Variants in HIRA observed in about 807,000 individuals in gnomAD.
The protein encoded by HIRA is histone cell cycle regulator.
Under a neutral mutation model 126.6 loss-of-function variants are expected in HIRA, and 13 were observed. The observed-to-expected ratio is 0.10, with a 90% CI of 0.07 to 0.16. HIRA has a LOEUF of 0.16. Among genes scored for constraint, HIRA ranks in the 10% least tolerant of loss-of-function variants. The pLI is 1.00. For missense variants in HIRA, 834 were observed against 1,314.4 expected, an observed-to-expected ratio of 0.63 and a Z score of 5.65; for synonymous variants, 511 against 520.0, an observed-to-expected ratio of 0.98 and a Z score of 0.24.
intron 1 of HIRA, among the ~76,000 whole-genome samples, chr22:19,413,024 C>G (rs777809718): frequency 1.3e-5 from 2 of 151,962 alleles, no homozygotes; most frequent in Non-Finnish European, 2.9e-5. Context: ...GCCAGAAGAT[C>G]GGGTGAAGGA....
chr22:19,385,741 G>A lies in HIRA; in HGVS notation c.1114-5C>T, dbSNP rs1222627574. 1.2e-6 allele frequency: 2 copies of A among 1,611,638 alleles called. No individual in the cohort carries two copies. Among genetic ancestry groups the A allele is most frequent in the East Asian group, 2.2e-5 (1 of 44,830 alleles). On this transcript the variant is annotated splice_region_variant and splice_polypyrimidine_tract_variant and intron_variant, in intron 11 of 24. Transcript: ENST00000263208. ...GGTGGACTGGTGAATGCGGCTCTGG[G>A]GAAGCAAGGAGAGGCATGACATGCC...
In HIRA at chr22:19,431,707, C is replaced by G; in HGVS notation, c.-231G>C. On this transcript the variant is annotated 5_prime_UTR_variant, in exon 1 of 25. Transcript: ENST00000263208. ...CACCACAGCCGCATCCCCTGCGCCG[C>G]TCCTCCTCAGGCGGCTCCCGGGCAA... is the stretch of plus-strand genomic sequence containing the variant. 1 of 364,124 alleles carries G rather than the reference C, an allele frequency of 2.7e-6. No individual in the cohort carries two copies. Among genetic ancestry groups the G allele is most frequent in the South Asian group, 1.2e-4 (1 of 8,122 alleles). 22.6% of individuals were successfully genotyped at this position (364,124 alleles called of 1,614,324 possible). A position where few individuals can be genotyped will look rare whatever the true frequency, so the allele number is the denominator to read the frequency against.
At chr22:19,407,568 T>A (rs937409442) in intron 3 of HIRA, among the ~76,000 whole-genome samples, 43 of 152,166 alleles carry the variant, frequency 2.8e-4, no homozygotes, top group African/African-American at 1.0e-3. Flanking sequence ...CAAAAAATGA[T>A]AACCAAATCT....
intron 1 of HIRA, among the ~76,000 whole-genome samples, chr22:19,412,294 GTGAGGTGT>G (rs1569311336): frequency 6.6e-6 from 1 of 152,148 alleles, no homozygotes; most frequent in Non-Finnish European, 1.5e-5. Flanking sequence ...CACAGGCCTG[GTGAGGTGT>G]TCTATCCCCA....
At position 19,410,698 on chromosome 22, in the gene HIRA, T is replaced by C. The variant is rs374205134; in HGVS notation, c.100+18A>G. On this transcript the variant is annotated intron_variant, in intron 2 of 24. Transcript: ENST00000263208. ...GCAGGGCTGTTAAGCTTTCCCTTTC[T>C]TTATTCCATAAACATACCTTGTCCT... 1.2e-6 allele frequency: 2 copies of C among 1,602,892 alleles called. No homozygotes were observed. Among genetic ancestry groups the C allele is most frequent in the African/African-American group, 2.7e-5 (2 of 74,632 alleles).
At chr22:19,373,743 T>C (rs1051944788) in intron 15 of HIRA, among the ~76,000 whole-genome samples, 1 of 152,086 alleles carries the variant, frequency 6.6e-6, no homozygotes, top group African/African-American at 2.4e-5. Context: ...GTGCTGTCAG[T>C]TGGGTTTTCC....
rs1192888095 is a variant in HIRA at position 19,431,540 on chromosome 22, GGA to G, written c.-66_-65del. 1.4e-5 allele frequency: 18 copies of G among 1,309,642 alleles called. No homozygotes were observed. The African/African-American group carries it at 2.7e-4, about 19-fold the overall frequency. The allele number at this position is 1,309,642 out of a possible 1,614,324, so 81.1% of individuals were successfully genotyped here. On this transcript the variant is annotated 5_prime_UTR_variant, in exon 1 of 25. Transcript: ENST00000263208. ...GGGTCCCTCAGCGCGCCCGGGCCATGGAGCCACCGCCGCCGCTTCCTCCCGCG... is the reference window on the plus strand; with the variant it reads ...GGGTCCCTCAGCGCGCCCGGGCCATGGCCACCGCCGCCGCTTCCTCCCGCG...
intron 13 of HIRA, among the ~76,000 whole-genome samples, chr22:19,380,099 G>A (rs543070339): frequency 2.0e-5 from 3 of 152,182 alleles, no homozygotes; most frequent in Admixed American, 2.0e-4. Context: ...GAGCCACCAC[G>A]CCCAGACAGC....
intron 15 of HIRA, among the ~76,000 whole-genome samples, chr22:19,362,502 A>C (rs1268018912): frequency 6.6e-6 from 1 of 152,246 alleles, no homozygotes; most frequent in Non-Finnish European, 1.5e-5. Flanking sequence ...ATCACTAAAA[A>C]AAATTTTTTA....
chr22:19,426,656 C>G (rs9618568), intron 1 of HIRA, among the ~76,000 whole-genome samples: 33 of 152,294 alleles, frequency 2.2e-4, no homozygotes, highest in African/African-American at 7.9e-4. Flanking sequence ...AGAGAGAGAG[C>G]CTTATTTACC....
chr22:19,355,945 C>T, intron 20 of HIRA, 80 bp from the exon 21 acceptor site: 3 of 998,710 alleles, frequency 3.0e-6, no homozygotes, highest in Non-Finnish European at 4.6e-6. Context: ...GAAATCTGTA[C>T]TCTAGGCTCC....
chr22:19,408,501 G>C lies in HIRA; in HGVS notation c.193C>G (p.Gln65Glu). 1 of 1,610,720 alleles carries C rather than the reference G, an allele frequency of 6.2e-7. No individual in the cohort carries two copies. The highest frequency in any genetic ancestry group is 8.5e-7 in the Non-Finnish European group (1 of 1,176,912). Reference protein sequence around the residue: ...KDENIPKMLCQMDNHLACVNC... With the variant: ...KDENIPKMLCEMDNHLACVNC... ...GTAATACCTAAGTGATTGTCCATCT[G>C]GCAAAGCATCTTGGGAATATTTTCA... The change falls in exon 3 of 25, where the codon CAG becomes GAG. Residue 65 changes from glutamine (Q) to glutamate (E), a missense_variant. Physicochemically the swap from Gln to Glu is conservative, Grantham distance 29. This residue lies in a region of HIRA where 102 missense variants were observed against 191.4 expected (regional missense o/e 0.53). Transcript: ENST00000263208.
intron 6 of HIRA, 31 bp from the exon 7 acceptor site, chr22:19,396,978 T>C (rs1354670976): frequency 2.5e-6 from 4 of 1,608,270 alleles, no homozygotes; most frequent in African/African-American, 1.3e-5. Flanking sequence ...TGGAGAGGTG[T>C]TGTCTGAGGG....
At chr22:19,397,161 G>C (rs1052452666) in intron 6 of HIRA, among the ~76,000 whole-genome samples, 1 of 152,182 alleles carries the variant, frequency 6.6e-6, no homozygotes, top group African/African-American at 2.4e-5. Flanking sequence ...AGGCACCAAG[G>C]GGCTAGTTCT....
chr22:19,394,484 C>T lies in HIRA; in HGVS notation c.680G>A (p.Arg227Gln). The change falls in exon 8 of 25, where the codon CGG becomes CAG. Residue 227 changes from arginine to glutamine, a missense_variant. Around this residue, in one of 5 missense-constraint regions of HIRA, gnomAD observed 53 missense variants for 163.7 expected, o/e 0.32. Coordinates refer to ENST00000263208, the MANE Select transcript of HIRA (RefSeq NM_003325.4). ...DECGGTTHVL[R>Q]LSWSPDGHYL... ...ATGCCCATCAGGTGACCAGCTGAGCCGCAACACATGGGTCGTTCCTCCACA... is the reference window on the plus strand; with the variant it reads ...ATGCCCATCAGGTGACCAGCTGAGCTGCAACACATGGGTCGTTCCTCCACA... 2 of 1,614,088 alleles carry T rather than the reference C, an allele frequency of 1.2e-6. No individual in the cohort carries two copies. The highest frequency in any genetic ancestry group is 1.7e-6 in the Non-Finnish European group (2 of 1,179,998).
At chr22:19,348,538 T>C (rs1025811565) in intron 24 of HIRA, among the ~76,000 whole-genome samples, 26 of 151,870 alleles carry the variant, frequency 1.7e-4, no homozygotes, top group Non-Finnish European at 3.2e-4. Flanking sequence ...CCCTGTCGCC[T>C]GGGCTGGTGT....
At chr22:19,359,613 G>A (rs571273724) in intron 17 of HIRA, 129 bp from the exon 18 acceptor site, 413 of 1,070,280 alleles carry the variant, frequency 3.9e-4, no homozygotes, top group Non-Finnish European at 1.6e-4. Context: ...GCCAAGAGAG[G>A]AGAGGGAGGG....
chr22:19,404,806 CT>C (rs2089295541), intron 5 of HIRA, among the ~76,000 whole-genome samples: 1 of 152,210 alleles, frequency 6.6e-6, no homozygotes, highest in African/African-American at 2.4e-5. Context: ...ATACCTCTGA[CT>C]ATCTAGGCAT....
At chr22:19,360,823 C>T (rs1034790721) in intron 17 of HIRA, among the ~76,000 whole-genome samples, 7 of 152,238 alleles carry the variant, frequency 4.6e-5, no homozygotes, top group African/African-American at 1.7e-4. Flanking sequence ...CTGTGCCAGA[C>T]ACTGAGAAGA....
Sources: gnomAD v4.1 joint callset for allele counts (sites outside exome capture counted in the v4.1 genomes callset) on GRCh38, gnomAD v4.1.1 for gene constraint, gnomAD v4.1.1 regional missense constraint, MANE v1.5 for transcripts, NCBI Gene and HGNC (gene_info 2026-07-23, HGNC 2026-07-21) for gene names.